Variants in UAP1 observed in about 807,000 individuals in gnomAD.
The protein encoded by UAP1 is UDP-N-acetylglucosamine pyrophosphorylase 1.
UAP1 carries 25 observed loss-of-function variants against 58.5 expected under a neutral mutation model. The ratio of observed to expected loss-of-function variants is 0.43; its 90% CI spans 0.31 to 0.60. UAP1 has a LOEUF of 0.60. Among genes scored for constraint, UAP1 ranks in the 20% least tolerant of loss-of-function variants. The pLI is 0.11. For synonymous variants in UAP1, 208 were observed against 213.0 expected (o/e 0.98, Z 0.21); for missense variants, 575 against 630.0 (o/e 0.91, Z 0.93).
intron 8 of UAP1, among the ~76,000 whole-genome samples, chr1:162,591,787 A>G (rs989065791): frequency 1.3e-4 from 18 of 142,824 alleles, no homozygotes; most frequent in Admixed American, 6.3e-4. Flanking sequence ...TGTCTGGCCA[A>G]TCTTTTTTTT....
At chr1:162,596,840 T>C (rs561975519) in intron 9 of UAP1, among the ~76,000 whole-genome samples, 4 of 152,336 alleles carry the variant, frequency 2.6e-5, no homozygotes, top group Non-Finnish European at 5.9e-5. Context: ...CTGTGTCTTA[T>C]TGGTAAGATT....
chr1:162,600,061 G>A (rs1009304430), downstream of UAP1, among the ~76,000 whole-genome samples: 2 of 152,158 alleles, frequency 1.3e-5, no homozygotes, highest in African/African-American at 4.8e-5. Flanking sequence ...ATTTGGCAAT[G>A]TCTGGAGATA....
chr1:162,591,674 C>T (rs1655317977), intron 8 of UAP1, among the ~76,000 whole-genome samples: 1 of 152,104 alleles, frequency 6.6e-6, no homozygotes. Flanking sequence ...TTAGTAGAGA[C>T]AGGATTTCAC....
intron 5 of UAP1, among the ~76,000 whole-genome samples, chr1:162,584,072 G>C (rs1326303265): frequency 6.6e-6 from 1 of 152,174 alleles, no homozygotes; most frequent in Non-Finnish European, 1.5e-5. Flanking sequence ...CTTCAGATTA[G>C]TTTTTGCTGA....
intron 7 of UAP1, among the ~76,000 whole-genome samples, chr1:162,589,218 A>T (rs868161121): frequency 1.1e-5 from 1 of 95,202 alleles, no homozygotes; most frequent in Admixed American, 1.5e-4. Flanking sequence ...AATATATATA[A>T]TATTTATATA....
exon 11 of UAP1, chr1:162,599,414 T>G (rs755232321): frequency 8.2e-7 from 1 of 1,212,560 alleles, no homozygotes; most frequent in Non-Finnish European, 1.2e-6. Context: ...TTATTTTTGA[T>G]AGACCAACTG....
chr1:162,573,921 G>A (rs1654016548), intron 2 of UAP1, among the ~76,000 whole-genome samples: 1 of 151,630 alleles, frequency 6.6e-6, no homozygotes, highest in Non-Finnish European at 1.5e-5. Context: ...CCAAGGTTGT[G>A]CCACTGCACT....
At chr1:162,587,509 G>A in exon 6 of UAP1, 1 of 1,613,932 alleles carries the variant, frequency 6.2e-7, no homozygotes, top group Non-Finnish European at 8.5e-7. Context: ...GAACCAGTTG[G>A]AGTGGTTTGC....
At chr1:162,592,966 T>G in intron 9 of UAP1, 184 bp downstream of exon 9, 1 of 568,186 alleles carries the variant, frequency 1.8e-6, no homozygotes, top group South Asian at 2.4e-5. Context: ...CTCAGAATCT[T>G]GTTGCATGCT....
intron 1 of UAP1, among the ~76,000 whole-genome samples, chr1:162,563,008 A>T (rs1464357540): frequency 5.3e-5 from 8 of 152,210 alleles, no homozygotes; most frequent in Admixed American, 5.2e-4. Flanking sequence ...ATATATTTTG[A>T]TGCAGATGGA....
intron 2 of UAP1, among the ~76,000 whole-genome samples, chr1:162,569,305 A>G (rs890376328): frequency 6.6e-6 from 1 of 152,226 alleles, no homozygotes; most frequent in Non-Finnish European, 1.5e-5. Flanking sequence ...ATTGTCCAGT[A>G]ATTGCAAAGT....
chr1:162,573,169 C>T (rs1653973180), intron 2 of UAP1, among the ~76,000 whole-genome samples: 1 of 152,072 alleles, frequency 6.6e-6, no homozygotes, highest in South Asian at 2.1e-4. Flanking sequence ...CATACAAACT[C>T]AGAATGGCTG....
intron 1 of UAP1, among the ~76,000 whole-genome samples, chr1:162,565,365 T>C (rs1322308517): frequency 6.6e-6 from 1 of 152,246 alleles, no homozygotes; most frequent in Non-Finnish European, 1.5e-5. Context: ...TCTTATTCAC[T>C]GATTGTTATA....
At chr1:162,563,370 T>G (rs1339588105) in intron 1 of UAP1, among the ~76,000 whole-genome samples, 1 of 152,004 alleles carries the variant, frequency 6.6e-6, no homozygotes, top group East Asian at 1.9e-4. Context: ...TTTTTTTTTA[T>G]TTTTATTTTT....
downstream of UAP1, among the ~76,000 whole-genome samples, chr1:162,600,183 T>A: frequency 6.6e-6 from 1 of 152,152 alleles, no homozygotes; most frequent in East Asian, 1.9e-4. Flanking sequence ...CGACAAAGAG[T>A]TATCTGGCCT....
rs1396230267 is a variant in UAP1, at chr1:162,587,324, A to G, written c.835-151A>G. The G allele has an allele frequency of 9.0e-6, 6 of 667,094 alleles. No homozygotes were observed. The African/African-American group carries it at 9.0e-5, about 10-fold the overall frequency. The allele number at this position is 667,094 out of a possible 1,614,324, so 41.3% of individuals were successfully genotyped here. Reference sequence around the variant, plus strand: ...AAAGTGCCTGTCAAGGTATATAAAGATGGATAGTTGATTGTCTAAAGTTAA... The same window carrying G: ...AAAGTGCCTGTCAAGGTATATAAAGGTGGATAGTTGATTGTCTAAAGTTAA... On this transcript the variant is annotated intron_variant, in intron 5 of 10. Coordinates refer to ENST00000271469, the Ensembl canonical transcript of UAP1.
chr1:162,570,597 C>T (rs1653802653), intron 2 of UAP1, among the ~76,000 whole-genome samples: 1 of 152,000 alleles, frequency 6.6e-6, no homozygotes, highest in Admixed American at 6.6e-5. Context: ...ATTATTATAC[C>T]TAATGAAATT....
chr1:162,563,605 C>T (rs558495254), intron 1 of UAP1, among the ~76,000 whole-genome samples: 1 of 152,164 alleles, frequency 6.6e-6, no homozygotes, highest in Non-Finnish European at 1.5e-5. Context: ...CCTCATGATC[C>T]GCCCGCCTCG....
At chr1:162,573,546 G>A (rs2101755238) in intron 2 of UAP1, among the ~76,000 whole-genome samples, 2 of 152,224 alleles carry the variant, frequency 1.3e-5, no homozygotes, top group Middle Eastern at 6.8e-3. Flanking sequence ...GAGTTAATGA[G>A]GACAATTCTG....
Sources: allele counts gnomAD v4.1 joint callset (sites outside exome capture counted in the v4.1 genomes callset), GRCh38; gene constraint gnomAD v4.1.1; transcripts MANE v1.5; gene names NCBI Gene and HGNC (gene_info 2026-07-23, HGNC 2026-07-21).